The following SPAG16 variants were observed in gnomAD, a reference collection of about 807,000 sequenced individuals.
SPAG16 encodes the protein sperm-associated antigen 16 protein.
Under a neutral mutation model 80.4 loss-of-function variants are expected in SPAG16, and 86 were observed. That is an observed-to-expected ratio of 1.07 (90% CI 0.90 to 1.28). SPAG16 has a LOEUF of 1.28. Ranked by LOEUF, SPAG16 falls within the 50% of genes most tolerant of loss-of-function variation. The pLI, the probability that SPAG16 is intolerant of heterozygous loss-of-function variation, is 0.00. For missense variants in SPAG16, 870 were observed against 765.3 expected (o/e 1.14, Z -1.61); for synonymous variants, 294 against 265.9 (o/e 1.11, Z -1.03).
intron 9 of SPAG16, among the ~76,000 whole-genome samples, chr2:213,387,912 A>C (rs2067533839): frequency 6.6e-6 from 1 of 152,174 alleles, no homozygotes; most frequent in Non-Finnish European, 1.5e-5. Flanking sequence ...AAAACATAGA[A>C]GGGAGGATTA....
chr2:213,512,943 A>G (rs2075283554), intron 10 of SPAG16, among the ~76,000 whole-genome samples: 5 of 151,786 alleles, frequency 3.3e-5, no homozygotes, highest in Admixed American at 3.3e-4. Context: ...CTTATCTTCC[A>G]TACATATTAA....
intron 10 of SPAG16, among the ~76,000 whole-genome samples, chr2:213,573,290 C>A (rs1437417693): frequency 2.0e-5 from 3 of 152,364 alleles, no homozygotes; most frequent in East Asian, 3.9e-4. Flanking sequence ...ATTCTAATCA[C>A]CTCAGATTTC....
At chr2:213,967,301 A>G (rs1256479098) in intron 12 of SPAG16, among the ~76,000 whole-genome samples, 1 of 152,186 alleles carries the variant, frequency 6.6e-6, no homozygotes, top group Non-Finnish European at 1.5e-5. Context: ...GCAGTCTACA[A>G]ATCTATTTAT....
intron 3 of SPAG16, among the ~76,000 whole-genome samples, chr2:213,301,831 G>A (rs1186168382): frequency 6.6e-6 from 1 of 152,040 alleles, no homozygotes; most frequent in East Asian, 1.9e-4. Flanking sequence ...GAGCCTTAAT[G>A]GATTGAATTG....
At chr2:214,183,096 A>C (rs2057357029) in intron 15 of SPAG16, among the ~76,000 whole-genome samples, 1 of 151,904 alleles carries the variant, frequency 6.6e-6, no homozygotes. Context: ...TCCTCTTTTA[A>C]AAATATTCCT....
chr2:214,310,301 A>G, intron 15 of SPAG16, among the ~76,000 whole-genome samples: 1 of 151,716 alleles, frequency 6.6e-6, no homozygotes, highest in East Asian at 2.0e-4. Flanking sequence ...GAGGCTCTGT[A>G]TGAATTCATT....
chr2:213,434,038 A>G (rs1019974031), intron 9 of SPAG16, among the ~76,000 whole-genome samples: 1 of 147,150 alleles, frequency 6.8e-6, no homozygotes, highest in African/African-American at 2.5e-5. Context: ...CTCCTGCCCT[A>G]GCCTCCTGAG....
intron 10 of SPAG16, among the ~76,000 whole-genome samples, chr2:213,514,783 C>T (rs190782164): frequency 6.6e-6 from 1 of 151,910 alleles, no homozygotes; most frequent in African/African-American, 2.4e-5. Flanking sequence ...AGTGAAGATA[C>T]AAATCTATGC....
chr2:214,190,778 G>T (rs958911985), intron 15 of SPAG16, among the ~76,000 whole-genome samples: 2 of 152,024 alleles, frequency 1.3e-5, no homozygotes, highest in African/African-American at 4.8e-5. Flanking sequence ...AAAGAAGGTG[G>T]CCTTCTGCAA....
intron 3 of SPAG16, among the ~76,000 whole-genome samples, chr2:213,304,783 G>A (rs1330983641): frequency 6.6e-6 from 1 of 152,132 alleles, no homozygotes; most frequent in Non-Finnish European, 1.5e-5. Flanking sequence ...TAGCTCTGTA[G>A]TATAATTTGA....
At chr2:214,099,396 TA>T (rs1247816521) in intron 13 of SPAG16, among the ~76,000 whole-genome samples, 1 of 152,098 alleles carries the variant, frequency 6.6e-6, no homozygotes, top group East Asian at 1.9e-4. Context: ...TTTCCTATGG[TA>T]GAGATGAAAA....
At chr2:213,375,189 TG>T in intron 9 of SPAG16, 70 bp downstream of exon 9, 1 of 1,102,120 alleles carries the variant, frequency 9.1e-7, no homozygotes, top group Non-Finnish European at 1.3e-6. Flanking sequence ...TTCACTCATA[TG>T]GTATCATTAT....
At position 213,666,807 on chromosome 2, in the gene SPAG16, G is replaced by A. The variant is rs962653743; in HGVS notation, c.1070+176717G>A. 2.0e-5 allele frequency among the ~76,000 whole-genome samples: 3 copies of A among 152,204 alleles called. No individual in the cohort carries two copies. The East Asian group carries it at 5.8e-4, about 29-fold the overall frequency. ...CTCTGTAGGTGGAGAAGGAAGGCCA[G>A]TACAAAGGAAAGTGCAGGAGTTCAG... On this transcript the variant is annotated intron_variant, in intron 10 of 15. Coordinates refer to ENST00000331683, the MANE Select transcript of SPAG16 (RefSeq NM_024532.5).
rs376593081 is a variant in SPAG16 at position 213,817,162 on chromosome 2, T to C, written c.1071-45323T>C. Among the ~76,000 whole-genome samples the C allele has an allele frequency of 8.7e-5, 13 of 149,978 alleles. No individual in the cohort carries two copies. In the South Asian group the frequency reaches 1.0e-3, roughly 12 times the overall value. On this transcript the variant is annotated intron_variant, in intron 10 of 15. Transcript: ENST00000331683. The stretch of plus-strand genomic sequence containing the variant: ...AAAAATAATTTGTCAGTACATATAA[T>C]AGTTTTTATTTATTTCTTGATATTT...
chr2:214,143,846 G>A (rs912331932), intron 14 of SPAG16, among the ~76,000 whole-genome samples: 2 of 152,048 alleles, frequency 1.3e-5, no homozygotes, highest in Admixed American at 6.6e-5. Flanking sequence ...TTCAGTACTT[G>A]TACCAGTGAC....
intron 12 of SPAG16, among the ~76,000 whole-genome samples, chr2:213,957,089 G>A (rs77318595): frequency 0.15 from 22,567 of 151,920 alleles, 2,049 homozygotes; most frequent in Non-Finnish European, 0.21. Flanking sequence ...TAAGAAGAAT[G>A]TGTATGTAGC....
rs866767503 is a variant in SPAG16, at chr2:213,735,150, A to G, written c.1071-127335A>G. ...ATGCTATTATCCTAGTTGAGAATGC[A>G]TGCCCTATTTGATTAATAATAATGG... On this transcript the variant is annotated intron_variant, in intron 10 of 15. Coordinates refer to ENST00000331683, the MANE Select transcript of SPAG16 (RefSeq NM_024532.5). 9.8e-5 allele frequency among the ~76,000 whole-genome samples: 15 copies of G among 152,296 alleles called. 1 individual carries two copies. In the Middle Eastern group the frequency reaches 0.01, roughly 104 times the overall value.
chr2:214,080,660 C>T (rs957583980), intron 13 of SPAG16, among the ~76,000 whole-genome samples: 5 of 151,008 alleles, frequency 3.3e-5, no homozygotes, highest in Non-Finnish European at 5.9e-5. Context: ...AAATTCTAAC[C>T]ACATTAAAGC....
intron 5 of SPAG16, among the ~76,000 whole-genome samples, chr2:213,321,636 C>T (rs1008033249): frequency 6.6e-6 from 1 of 152,006 alleles, no homozygotes; most frequent in Non-Finnish European, 1.5e-5. Context: ...TTTGAATTGC[C>T]ATAATTAAAG....
Sources: allele counts gnomAD v4.1 joint callset (sites outside exome capture counted in the v4.1 genomes callset), GRCh38; gene constraint gnomAD v4.1.1; transcripts MANE v1.5; gene names NCBI Gene and HGNC (gene_info 2026-07-23, HGNC 2026-07-21).